The following ENTREP2 variants were observed in gnomAD, a reference collection of about 807,000 sequenced individuals.
ENTREP2 encodes endosomal transmembrane epsin interactor 2.
chr15:29,666,744 C>T, the ENTREP2 span, among the ~76,000 whole-genome samples: 1 of 152,138 alleles, frequency 6.6e-6, no homozygotes, highest in Non-Finnish European at 1.5e-5. Flanking sequence ...CCTGGAGTGG[C>T]CTTCCTTGAC....
chr15:29,348,900 A>G, the ENTREP2 span, among the ~76,000 whole-genome samples: 13 of 152,224 alleles, frequency 8.5e-5, no homozygotes, highest in Non-Finnish European at 1.6e-4. Flanking sequence ...ATTGTGGCCT[A>G]ACTTCTGAAT....
chr15:29,539,493 C>T, the ENTREP2 span, among the ~76,000 whole-genome samples: 5 of 152,154 alleles, frequency 3.3e-5, no homozygotes, highest in Admixed American at 2.6e-4. Flanking sequence ...ATCCAATTCC[C>T]CACTGCCTGC....
the ENTREP2 span, among the ~76,000 whole-genome samples, chr15:29,410,461 C>T: frequency 6.6e-6 from 1 of 151,900 alleles, no homozygotes; most frequent in Non-Finnish European, 1.5e-5. Context: ...AGACTTGAGG[C>T]GACGGGTCTC....
the ENTREP2 span, among the ~76,000 whole-genome samples, chr15:29,422,639 C>T: frequency 6.6e-6 from 1 of 152,196 alleles, no homozygotes; most frequent in African/African-American, 2.4e-5. Flanking sequence ...GCAAGGTAAC[C>T]CTACCCCCAC....
chr15:29,549,379 C>T, the ENTREP2 span, among the ~76,000 whole-genome samples: 1,681 of 151,908 alleles, frequency 0.011, 34 homozygotes, highest in African/African-American at 0.038. Context: ...ACACCATTCT[C>T]CTGCCTTAGC....
chr15:29,546,148 C>G, the ENTREP2 span, among the ~76,000 whole-genome samples: 7,202 of 152,160 alleles, frequency 0.047, 599 homozygotes, highest in African/African-American at 0.17. Context: ...ATGTTGGACA[C>G]TCAAAATAGA....
the ENTREP2 span, among the ~76,000 whole-genome samples, chr15:29,521,700 C>A: frequency 6.6e-6 from 1 of 152,150 alleles, no homozygotes; most frequent in African/African-American, 2.4e-5. Context: ...CACCCTATAG[C>A]AATTCAGGGG....
At chr15:29,273,627 G>A in the ENTREP2 span, among the ~76,000 whole-genome samples, 11,437 of 152,202 alleles carry the variant, frequency 0.075, 1,406 homozygotes, top group African/African-American at 0.26. Flanking sequence ...TTCAGTAAGT[G>A]GACTAGGAGA....
At chr15:29,618,090 C>T in the ENTREP2 span, among the ~76,000 whole-genome samples, 1 of 152,152 alleles carries the variant, frequency 6.6e-6, no homozygotes, top group East Asian at 1.9e-4. Context: ...GCTAGTTCAT[C>T]TGTCTGTAGC....
At chr15:29,408,489 C>T in the ENTREP2 span, among the ~76,000 whole-genome samples, 13 of 152,214 alleles carry the variant, frequency 8.5e-5, 1 homozygote, top group South Asian at 2.3e-3. Context: ...AATGGTGAGA[C>T]GGTCTTTGTT....
the ENTREP2 span, among the ~76,000 whole-genome samples, chr15:29,348,961 C>T: frequency 2.6e-5 from 4 of 152,220 alleles, no homozygotes; most frequent in Non-Finnish European, 5.9e-5. Context: ...GCATCTGAGA[C>T]CTAATTTGAT....
chr15:29,388,246 C>T, the ENTREP2 span, among the ~76,000 whole-genome samples: 4 of 152,200 alleles, frequency 2.6e-5, no homozygotes, highest in African/African-American at 9.7e-5. Context: ...TATCCAGAAT[C>T]TACAAAGAAC....
chr15:29,534,481 G>C, the ENTREP2 span, among the ~76,000 whole-genome samples: 67 of 152,290 alleles, frequency 4.4e-4, no homozygotes, highest in African/African-American at 1.5e-3. Flanking sequence ...GGTTGCTTTA[G>C]CAACAGGGCA....
the ENTREP2 span, among the ~76,000 whole-genome samples, chr15:29,194,433 C>G: frequency 6.6e-6 from 1 of 152,188 alleles, no homozygotes; most frequent in Non-Finnish European, 1.5e-5. Flanking sequence ...TCTAAGTAGG[C>G]TTTGTACACA....
the ENTREP2 span, among the ~76,000 whole-genome samples, chr15:29,417,482 G>A: frequency 6.6e-6 from 1 of 152,104 alleles, no homozygotes; most frequent in Non-Finnish European, 1.5e-5. Context: ...ATCACACACC[G>A]GGGACTGCTG....
chr15:29,671,696 A>G, the ENTREP2 span, among the ~76,000 whole-genome samples: 1 of 152,230 alleles, frequency 6.6e-6, no homozygotes, highest in African/African-American at 2.4e-5. Flanking sequence ...TTTATTAAGA[A>G]AAGAAACCTT....
chr15:29,345,759 C>A, the ENTREP2 span, among the ~76,000 whole-genome samples: 5 of 151,940 alleles, frequency 3.3e-5, no homozygotes, highest in Admixed American at 6.5e-5. Flanking sequence ...ACAACCCCAG[C>A]GGGGAGAGCT....
chr15:29,261,124 C>A, the ENTREP2 span, among the ~76,000 whole-genome samples: 2 of 152,332 alleles, frequency 1.3e-5, no homozygotes, highest in East Asian at 3.9e-4. Flanking sequence ...AACACGTACA[C>A]AGCTGCTTGG....
At chr15:29,295,758 GTGGACAGCC>G in the ENTREP2 span, among the ~76,000 whole-genome samples, 4 of 152,194 alleles carry the variant, frequency 2.6e-5, no homozygotes, top group Non-Finnish European at 5.9e-5. Flanking sequence ...CGTGGGGAGT[GTGGACAGCC>G]TGGAGACGCT....
Sources: gnomAD v4.1 joint callset for allele counts (sites outside exome capture counted in the v4.1 genomes callset) on GRCh38, gnomAD v4.1.1 for gene constraint, MANE v1.5 for transcripts, NCBI Gene and HGNC (gene_info 2026-07-23, HGNC 2026-07-21) for gene names.